The following TENM2 variants were observed in gnomAD, a reference collection of about 807,000 sequenced individuals.
The protein encoded by TENM2 is teneurin-2.
In TENM2, 52 loss-of-function variants were observed where a neutral mutation model predicts 245.2. The observed-to-expected ratio is 0.21, with a 90% confidence interval of 0.17 to 0.27. The LOEUF is 0.27. Among genes scored for constraint, TENM2 ranks in the 10% least tolerant of loss-of-function variants. TENM2 has a pLI of 1.00. For missense variants in TENM2, 3,046 were observed against 3,666.8 expected, an observed-to-expected ratio of 0.83 and a Z score of 4.37; for synonymous variants, 1,363 against 1,438.9, an observed-to-expected ratio of 0.95 and a Z score of 1.19.
At chr5:167,634,840 G>A (rs895551633) in intron 2 of TENM2, among the ~76,000 whole-genome samples, 2 of 152,140 alleles carry the variant, frequency 1.3e-5, no homozygotes, top group African/African-American at 4.8e-5. Context: ...ATAGAGATGA[G>A]TGGAATTGGA....
intron 2 of TENM2, among the ~76,000 whole-genome samples, chr5:167,673,739 C>A (rs568836033): frequency 1.3e-5 from 2 of 151,618 alleles, no homozygotes; most frequent in African/African-American, 2.4e-5. Flanking sequence ...ACCCTAGGGA[C>A]ACCTTTTCTC....
At chr5:167,000,371 C>A in the TENM2 span, among the ~76,000 whole-genome samples, 2 of 152,140 alleles carry the variant, frequency 1.3e-5, no homozygotes, top group Non-Finnish European at 2.9e-5. Flanking sequence ...TGAAATTGGG[C>A]TGTTCATGGG....
At chr5:168,018,777 A>G (rs1158378370) in intron 5 of TENM2, among the ~76,000 whole-genome samples, 1 of 152,194 alleles carries the variant, frequency 6.6e-6, no homozygotes, top group Non-Finnish European at 1.5e-5. Context: ...TCCTTTATTC[A>G]TTAATTCAGC....
chr5:167,521,544 C>T (rs938373047), intron 2 of TENM2, among the ~76,000 whole-genome samples: 2 of 152,198 alleles, frequency 1.3e-5, no homozygotes. Context: ...GTCACTGTGT[C>T]TGGTGGGATC....
intron 2 of TENM2, among the ~76,000 whole-genome samples, chr5:167,753,628 T>A (rs2150661503): frequency 6.6e-6 from 1 of 152,308 alleles, no homozygotes; most frequent in Non-Finnish European, 1.5e-5. Flanking sequence ...TGAGGCACAG[T>A]GTGGGTAAGT....
chr5:167,707,251 A>G (rs1034692293), intron 2 of TENM2, among the ~76,000 whole-genome samples: 1 of 152,032 alleles, frequency 6.6e-6, no homozygotes, highest in Non-Finnish European at 1.5e-5. Flanking sequence ...TCATTTTTAA[A>G]TCAGGTTGTT....
At chr5:167,760,184 G>C (rs1407773548) in intron 2 of TENM2, among the ~76,000 whole-genome samples, 1 of 152,084 alleles carries the variant, frequency 6.6e-6, no homozygotes, top group African/African-American at 2.4e-5. Flanking sequence ...CTTTGCTCCT[G>C]GTCTTCCTAA....
At chr5:167,905,056 A>G (rs1191326085) in intron 3 of TENM2, among the ~76,000 whole-genome samples, 1 of 152,216 alleles carries the variant, frequency 6.6e-6, no homozygotes, top group Non-Finnish European at 1.5e-5. Flanking sequence ...ATTTCATAAA[A>G]CACATGATCA....
At chr5:167,459,144 C>T (rs1335528336) in intron 2 of TENM2, among the ~76,000 whole-genome samples, 1 of 152,148 alleles carries the variant, frequency 6.6e-6, no homozygotes, top group African/African-American at 2.4e-5. Context: ...ACAATAACTG[C>T]CCTATTTCCC....
intron 2 of TENM2, among the ~76,000 whole-genome samples, chr5:167,545,180 A>C (rs1168657120): frequency 3.3e-5 from 5 of 152,174 alleles, no homozygotes; most frequent in Non-Finnish European, 7.3e-5. Context: ...TGAGCTTGGC[A>C]AATGTCCCTA....
intron 2 of TENM2, among the ~76,000 whole-genome samples, chr5:167,624,415 C>T (rs1417954035): frequency 2.6e-5 from 4 of 152,080 alleles, no homozygotes; most frequent in Non-Finnish European, 5.9e-5. Context: ...CTTAGGGCTA[C>T]AAGAGTAGGG....
At chr5:167,613,348 C>T (rs1390264626) in intron 2 of TENM2, among the ~76,000 whole-genome samples, 6 of 152,168 alleles carry the variant, frequency 3.9e-5, no homozygotes, top group African/African-American at 1.4e-4. Flanking sequence ...ACTAGGTGCT[C>T]TGTACATACT....
At chr5:167,035,075 TAAC>T in the TENM2 span, among the ~76,000 whole-genome samples, 1 of 152,186 alleles carries the variant, frequency 6.6e-6, no homozygotes, top group Non-Finnish European at 1.5e-5. Flanking sequence ...TGAAATCAAA[TAAC>T]AATTTAATTT....
At chr5:167,330,264 A>G (rs537247711) in intron 1 of TENM2, among the ~76,000 whole-genome samples, 3 of 152,152 alleles carry the variant, frequency 2.0e-5, no homozygotes, top group African/African-American at 7.2e-5. Flanking sequence ...AAATCCTCAT[A>G]GTAACACTAT....
chr5:167,651,839 C>T (rs142977539), intron 2 of TENM2, among the ~76,000 whole-genome samples: 23 of 152,274 alleles, frequency 1.5e-4, no homozygotes, highest in African/African-American at 5.3e-4. Flanking sequence ...CTATCACATG[C>T]AATACCCCAA....
At chr5:167,787,117 C>T (rs1040679566) in intron 2 of TENM2, among the ~76,000 whole-genome samples, 4 of 152,186 alleles carry the variant, frequency 2.6e-5, no homozygotes, top group Non-Finnish European at 4.4e-5. Flanking sequence ...GTTCAAGGTT[C>T]TAAACTGTGT....
At chr5:167,054,656 T>C in the TENM2 span, among the ~76,000 whole-genome samples, 6 of 152,176 alleles carry the variant, frequency 3.9e-5, no homozygotes, top group Admixed American at 2.0e-4. Flanking sequence ...CAGCAATGAA[T>C]TAAGATTTCT....
At chr5:167,094,263 A>G in the TENM2 span, among the ~76,000 whole-genome samples, 2 of 152,142 alleles carry the variant, frequency 1.3e-5, no homozygotes, top group Non-Finnish European at 2.9e-5. Context: ...GTATACTCTC[A>G]TGAAACCATC....
At chr5:167,382,034 A>T (rs1761123048) in intron 2 of TENM2, among the ~76,000 whole-genome samples, 1 of 152,196 alleles carries the variant, frequency 6.6e-6, no homozygotes, top group South Asian at 2.1e-4. Flanking sequence ...TTTCCGAAGT[A>T]GTAGATGCCC....
Sources: allele counts gnomAD v4.1 joint callset (sites outside exome capture counted in the v4.1 genomes callset), GRCh38; gene constraint gnomAD v4.1.1; transcripts MANE v1.5; gene names NCBI Gene and HGNC (gene_info 2026-07-23, HGNC 2026-07-21).